Variants in CAPSL observed in about 807,000 individuals in gnomAD.
CAPSL encodes the protein calcyphosin-like protein.
A neutral mutation model predicts 21.3 loss-of-function variants in CAPSL; 17 were observed. The ratio of observed to expected loss-of-function variants is 0.80; its 90% CI spans 0.55 to 1.20. The LOEUF is 1.20. Ranked by LOEUF, CAPSL falls within the 50% of genes most tolerant of loss-of-function variation. The pLI, the probability that CAPSL is intolerant of heterozygous loss-of-function variation, is 0.00. For missense variants in CAPSL, 289 were observed against 259.3 expected, an observed-to-expected ratio of 1.11 and a Z score of -0.79; for synonymous variants, 102 against 89.3, an observed-to-expected ratio of 1.14 and a Z score of -0.80.
At chr5:35,910,652 AG>A (rs1738197315) in intron 2 of CAPSL, 109 bp from the exon 3 acceptor site, 2 of 837,540 alleles carry the variant, frequency 2.4e-6, no homozygotes, top group African/African-American at 3.4e-5. Flanking sequence ...AAAATACAAA[AG>A]TCTTAAATTC....
chr5:35,912,716 C>A (rs1046827462), intron 2 of CAPSL, among the ~76,000 whole-genome samples: 2 of 152,150 alleles, frequency 1.3e-5, no homozygotes, highest in African/African-American at 4.8e-5. Context: ...CTGTATGTCA[C>A]CATCATCAAA....
intron 1 of CAPSL, among the ~76,000 whole-genome samples, chr5:35,927,550 A>C (rs1738717709): frequency 6.6e-6 from 1 of 152,172 alleles, no homozygotes; most frequent in East Asian, 1.9e-4. Context: ...CCTTCTTTTA[A>C]ATTCTCATCC....
At chr5:35,935,727 G>A (rs1193825830) in intron 1 of CAPSL, among the ~76,000 whole-genome samples, 2 of 151,558 alleles carry the variant, frequency 1.3e-5, no homozygotes, top group Non-Finnish European at 2.9e-5. Context: ...CAGACTTTTG[G>A]CCCTACATTT....
chr5:35,931,334 T>C (rs550638405), intron 1 of CAPSL, among the ~76,000 whole-genome samples: 1 of 152,180 alleles, frequency 6.6e-6, no homozygotes, highest in East Asian at 1.9e-4. Context: ...CTCAGTAGAA[T>C]TTTGTCAAGT....
At chr5:35,933,174 C>A (rs1738863034) in intron 1 of CAPSL, among the ~76,000 whole-genome samples, 2 of 152,070 alleles carry the variant, frequency 1.3e-5, no homozygotes, top group African/African-American at 2.4e-5. Flanking sequence ...AAGATAAGAA[C>A]AACAGTAATA....
In CAPSL at chr5:35,930,293, TA is replaced by T. The variant is rs1212246074; in HGVS notation, c.-1+8247del. 3.3e-5 allele frequency among the ~76,000 whole-genome samples: 5 copies of T among 152,370 alleles called. No homozygotes were observed. The East Asian group carries it at 9.6e-4, about 29-fold the overall frequency. The stretch of plus-strand genomic sequence containing the variant: ...AGGTTTGTGTAGAGCCCATTTATGC[TA>T]AACCATAGTCTTTACTTCTTTCTAT... On this transcript the variant is annotated intron_variant, in intron 1 of 4. Transcript: ENST00000651391.
At chr5:35,919,170 A>ATTATAT (rs1554069748) in intron 2 of CAPSL, among the ~76,000 whole-genome samples, 5 of 121,268 alleles carry the variant, frequency 4.1e-5, no homozygotes, top group African/African-American at 1.5e-4. Flanking sequence ...TAAAAAAAAA[A>ATTATAT]ATATATATAT....
At chr5:35,925,921 C>A (rs944491012) in intron 1 of CAPSL, among the ~76,000 whole-genome samples, 5 of 151,794 alleles carry the variant, frequency 3.3e-5, no homozygotes, top group Admixed American at 2.6e-4. Flanking sequence ...TACCAATATA[C>A]AAAAATTAGC....
chr5:35,917,411 A>G (rs1298222), intron 2 of CAPSL, among the ~76,000 whole-genome samples: 1 of 152,156 alleles, frequency 6.6e-6, no homozygotes, highest in Non-Finnish European at 1.5e-5. Flanking sequence ...AAAGACACAT[A>G]CACACGTATG....
chr5:35,932,578 C>A (rs140736773), intron 1 of CAPSL, among the ~76,000 whole-genome samples: 115 of 152,262 alleles, frequency 7.6e-4, no homozygotes, highest in African/African-American at 2.7e-3. Context: ...TAATTTGCCA[C>A]CCCTAAGGTT....
chr5:35,908,606 A>C (rs1738099614), intron 4 of CAPSL, among the ~76,000 whole-genome samples: 1 of 152,214 alleles, frequency 6.6e-6, no homozygotes, highest in African/African-American at 2.4e-5. Context: ...GGGAAATGGC[A>C]GTTGGCTATT....
At chr5:35,914,682 C>T (rs1021818411) in intron 2 of CAPSL, among the ~76,000 whole-genome samples, 51 of 152,110 alleles carry the variant, frequency 3.4e-4, no homozygotes, top group African/African-American at 1.2e-3. Flanking sequence ...ACACAACATA[C>T]CAGAATCTCT....
At chr5:35,910,139 TG>T in intron 3 of CAPSL, 64 bp from the exon 4 acceptor site, 1 of 1,346,858 alleles carries the variant, frequency 7.4e-7, no homozygotes, top group Non-Finnish European at 1.0e-6. Context: ...TGGTATCCTA[TG>T]TGATAAAATA....
chr5:35,915,662 C>G (rs564260896), intron 2 of CAPSL, among the ~76,000 whole-genome samples: 27 of 152,230 alleles, frequency 1.8e-4, no homozygotes, highest in East Asian at 5.8e-4. Flanking sequence ...ATTCAACAAC[C>G]CTTCATGCTA....
rs756027620 is a variant in CAPSL at position 35,910,070 on chromosome 5, T to G, written c.321A>C (p.Pro107=). ...FNEFLLTLRP[P]MSRARKEVIM... ...TTACCTCTTTTCTGGCTCTGGACAT[T>G]GGAGGCTACAAAAATAGAAGAATAC... is the stretch of plus-strand genomic sequence containing the variant. Residue 107 remains proline, a synonymous_variant, in exon 4 of 5, where the codon CCA becomes CCC. Coordinates refer to ENST00000651391, the MANE Select transcript of CAPSL (RefSeq NM_001042625.2). 20 of 1,600,098 alleles carry G rather than the reference T, an allele frequency of 1.2e-5. No homozygotes were observed. The South Asian group carries it at 2.0e-4, about 16-fold the overall frequency.
chr5:35,919,688 A>G (rs1738486020), intron 2 of CAPSL, among the ~76,000 whole-genome samples: 1 of 152,140 alleles, frequency 6.6e-6, no homozygotes, highest in African/African-American at 2.4e-5. Context: ...ACTGACCCTA[A>G]GGTAGGAGTG....
intron 2 of CAPSL, among the ~76,000 whole-genome samples, chr5:35,910,793 G>A (rs1386109408): frequency 1.3e-5 from 2 of 152,122 alleles, no homozygotes; most frequent in Non-Finnish European, 2.9e-5. Context: ...GTAAAAAGAT[G>A]AAAGGTAAAG....
In CAPSL at chr5:35,904,656, A is replaced by T; in HGVS notation, c.526-10T>A. The stretch of plus-strand genomic sequence containing the variant: ...ACTCCTCAGGGGTCACCTGCAGTGG[A>T]AAAGTTAGAAACAAAAACGAAACTT... On this transcript the variant is annotated splice_polypyrimidine_tract_variant and intron_variant, in intron 4 of 4. Coordinates refer to ENST00000651391, the MANE Select transcript of CAPSL (RefSeq NM_001042625.2). 3 of 1,611,414 alleles carry T rather than the reference A, an allele frequency of 1.9e-6. No homozygotes were observed. The highest frequency in any genetic ancestry group is 2.5e-6 in the Non-Finnish European group (3 of 1,179,308).
At chr5:35,934,678 G>A (rs1222866454) in intron 1 of CAPSL, among the ~76,000 whole-genome samples, 1 of 152,184 alleles carries the variant, frequency 6.6e-6, no homozygotes, top group Non-Finnish European at 1.5e-5. Context: ...TGCTTTGATT[G>A]AGATATGAAA....
Sources: allele counts gnomAD v4.1 joint callset (sites outside exome capture counted in the v4.1 genomes callset), GRCh38; gene constraint gnomAD v4.1.1; transcripts MANE v1.5; gene names NCBI Gene and HGNC (gene_info 2026-07-23, HGNC 2026-07-21).